AGBL1: variants seen among roughly 807,000 people sequenced by gnomAD.
The protein encoded by AGBL1 is AGBL carboxypeptidase 1.
Under a neutral mutation model 118.9 loss-of-function variants are expected in AGBL1, and 130 were observed. The ratio of observed to expected loss-of-function variants is 1.09; its 90% CI spans 0.95 to 1.26. The LOEUF is 1.26. AGBL1 is among the 50% of genes most tolerant of loss of function. AGBL1 has a pLI of 0.00. For synonymous variants in AGBL1, 555 were observed against 478.9 expected (o/e 1.16, Z -2.08); for missense variants, 1,584 against 1,298.1 (o/e 1.22, Z -3.38).
At chr15:86,261,381 T>A (rs2078981042) in intron 9 of AGBL1, among the ~76,000 whole-genome samples, 1 of 152,154 alleles carries the variant, frequency 6.6e-6, no homozygotes, top group Admixed American at 6.6e-5. Context: ...GCCATGGAGT[T>A]GGTCATGGTG....
Position 86,908,212 on chromosome 15 carries a change from G to A in AGBL1, c.*918G>A, listed in dbSNP as rs1053928504. 1 of 152,160 alleles carries A rather than the reference G, an allele frequency of 6.6e-6. No individual in the cohort carries two copies. The highest frequency in any genetic ancestry group is 6.5e-5 in the Admixed American group (1 of 15,270). The allele number at this position is 152,160 out of a possible 1,614,324, so 9.4% of individuals were successfully genotyped here. ...ATGATATATAAAAGTGTATAGCTTA[G>A]CATTTGGTACACAACAACATTGGCT... On this transcript the variant is annotated 3_prime_UTR_variant, in exon 23 of 23. Transcript: ENST00000614907.
chr15:86,779,740 G>T (rs970560413), intron 22 of AGBL1, among the ~76,000 whole-genome samples: 1 of 152,010 alleles, frequency 6.6e-6, no homozygotes, highest in Non-Finnish European at 1.5e-5. Context: ...GGATTGCATT[G>T]TGGTTTAATT....
chr15:86,374,824 C>T (rs1015120653), intron 17 of AGBL1, among the ~76,000 whole-genome samples: 7 of 152,162 alleles, frequency 4.6e-5, no homozygotes, highest in African/African-American at 1.4e-4. Context: ...ACGTTTTTTC[C>T]ATATTATCTT....
chr15:86,612,537 T>C (rs1390556943), intron 21 of AGBL1, among the ~76,000 whole-genome samples: 1 of 152,040 alleles, frequency 6.6e-6, no homozygotes, highest in Non-Finnish European at 1.5e-5. Context: ...ATCTTAAGAC[T>C]GACAAAACAG....
intron 22 of AGBL1, among the ~76,000 whole-genome samples, chr15:86,883,826 T>G (rs1453460080): frequency 6.6e-6 from 1 of 152,176 alleles, no homozygotes; most frequent in East Asian, 1.9e-4. Flanking sequence ...AATTAGTGAC[T>G]GTAAGAATTT....
chr15:86,095,282 G>A (rs1896286599), intron 1 of AGBL1, among the ~76,000 whole-genome samples: 1 of 152,116 alleles, frequency 6.6e-6, no homozygotes, highest in Non-Finnish European at 1.5e-5. Context: ...TGACTCATTG[G>A]CCTTTGGCAG....
At chr15:86,521,666 G>A (rs1000714785) in intron 18 of AGBL1, among the ~76,000 whole-genome samples, 1 of 152,140 alleles carries the variant, frequency 6.6e-6, no homozygotes, top group Non-Finnish European at 1.5e-5. Flanking sequence ...CAAGACCTAT[G>A]TATGATAAGA....
intron 18 of AGBL1, among the ~76,000 whole-genome samples, chr15:86,413,106 A>G (rs879121779): frequency 2.0e-5 from 3 of 152,204 alleles, no homozygotes; most frequent in Non-Finnish European, 4.4e-5. Flanking sequence ...CAGAAGTTAT[A>G]GAATTCTGTA....
chr15:86,244,054 G>GATAAATAA, intron 6 of AGBL1, among the ~76,000 whole-genome samples: 1 of 73,156 alleles, frequency 1.4e-5, no homozygotes, highest in South Asian at 5.0e-4. Context: ...TAGATAGATA[G>GATAAATAA]ATAAATAAGT....
chr15:86,554,661 C>A (rs10162993), intron 21 of AGBL1, 124 bp downstream of exon 21: 572,427 of 1,027,768 alleles, frequency 0.56, 162,546 homozygotes, highest in East Asian at 0.86. Flanking sequence ...TTGGTCCTCC[C>A]TTGCCTTGAA....
At chr15:86,167,114 C>T (rs1327099183) in intron 5 of AGBL1, among the ~76,000 whole-genome samples, 1 of 152,100 alleles carries the variant, frequency 6.6e-6, no homozygotes, top group Admixed American at 6.5e-5. Context: ...TTCCTCACAA[C>T]ACTGTAACCA....
chr15:86,713,007 G>A (rs1282643981), intron 22 of AGBL1, among the ~76,000 whole-genome samples: 1 of 152,178 alleles, frequency 6.6e-6, no homozygotes, highest in Non-Finnish European at 1.5e-5. Flanking sequence ...CCATCCCACA[G>A]AAGGGACAAT....
rs187077247 is a variant in AGBL1, at chr15:86,098,819, A to C, written c.51+18796A>C. Among the ~76,000 whole-genome samples the C allele has an allele frequency of 3.0e-3, 461 of 152,136 alleles. 14 individuals carry two copies. The South Asian group carries it at 0.066, about 22-fold the overall frequency. ...AAGCTCTTTTTTTTGGTTCTATAAAAATTTTAGATTTTTTTTAATTCTGTG... is the reference window on the plus strand; with the variant it reads ...AAGCTCTTTTTTTTGGTTCTATAAACATTTTAGATTTTTTTTAATTCTGTG... On this transcript the variant is annotated intron_variant, in intron 1 of 22. Coordinates refer to ENST00000614907, the MANE Select transcript of AGBL1 (RefSeq NM_001386094.1).
chr15:86,654,969 C>T (rs555564127), intron 21 of AGBL1, among the ~76,000 whole-genome samples: 1 of 152,220 alleles, frequency 6.6e-6, no homozygotes, highest in South Asian at 2.1e-4. Context: ...TCCTACTTTT[C>T]AGAGCAGCCT....
At chr15:86,477,453 C>T (rs1162441186) in intron 18 of AGBL1, among the ~76,000 whole-genome samples, 1 of 152,226 alleles carries the variant, frequency 6.6e-6, no homozygotes, top group African/African-American at 2.4e-5. Flanking sequence ...ACTATAAACA[C>T]CTCTACGCAA....
chr15:86,528,371 C>T (rs1047255557), intron 19 of AGBL1, among the ~76,000 whole-genome samples: 65 of 152,214 alleles, frequency 4.3e-4, no homozygotes, highest in African/African-American at 1.5e-3. Flanking sequence ...AATCAGGTCA[C>T]TCCCACCCGA....
At chr15:86,079,779 G>T, upstream of AGBL1, 1 of 391,416 alleles carries the variant, frequency 2.6e-6, no homozygotes, top group East Asian at 3.6e-5. Context: ...CCCCACAGTG[G>T]GAGTCGGTGG....
chr15:86,081,754 T>C (rs1895300139), intron 1 of AGBL1, among the ~76,000 whole-genome samples: 1 of 152,188 alleles, frequency 6.6e-6, no homozygotes, highest in African/African-American at 2.4e-5. Context: ...AAATATCTCA[T>C]GGACAGAATT....
intron 13 of AGBL1, among the ~76,000 whole-genome samples, chr15:86,269,338 G>A (rs569131901): frequency 1.4e-4 from 22 of 152,138 alleles, no homozygotes; most frequent in African/African-American, 3.9e-4. Flanking sequence ...TCCATTTTCC[G>A]TATGTGGAAA....
Sources: gnomAD v4.1 joint callset for allele counts (sites outside exome capture counted in the v4.1 genomes callset) on GRCh38, gnomAD v4.1.1 for gene constraint, MANE v1.5 for transcripts, NCBI Gene and HGNC (gene_info 2026-07-23, HGNC 2026-07-21) for gene names.